The following TMEM63A variants were observed in gnomAD, a reference collection of about 807,000 sequenced individuals.
TMEM63A encodes the protein transmembrane protein 63A, also known as mechanosensitive cation channel TMEM63A.
A neutral mutation model predicts 100.6 loss-of-function variants in TMEM63A; 76 were observed. The observed-to-expected ratio is 0.76, with a 90% CI of 0.63 to 0.91. The LOEUF (loss-of-function observed/expected upper bound fraction) is 0.91. TMEM63A is among the 40% of genes least tolerant of loss of function. The pLI is 0.00. For missense variants in TMEM63A, 876 were observed against 1,008.8 expected, an observed-to-expected ratio of 0.87 and a Z score of 1.78; for synonymous variants, 401 against 401.1, an observed-to-expected ratio of 1.00 and a Z score of 0.00.
intron 1 of TMEM63A, among the ~76,000 whole-genome samples, chr1:225,880,512 T>C (rs989324493): frequency 6.6e-6 from 1 of 152,100 alleles, no homozygotes; most frequent in Admixed American, 6.6e-5. Flanking sequence ...GTGGTTGAAG[T>C]GGCACTGCCT....
chr1:225,871,513 T>C (rs113733429), intron 5 of TMEM63A: 152 of 216,956 alleles, frequency 7.0e-4, no homozygotes, highest in African/African-American at 3.3e-3. Context: ...CAGGTTTTAT[T>C]GTCCTTCACA....
downstream of TMEM63A, among the ~76,000 whole-genome samples, chr1:225,841,805 T>C (rs894081086): frequency 1.3e-5 from 2 of 152,034 alleles, no homozygotes; most frequent in African/African-American, 2.4e-5. Flanking sequence ...GGTTTCACCA[T>C]GTCAGCCAGG....
Position 225,862,677 on chromosome 1 carries a change from A to G in TMEM63A, c.827+94T>C. The G allele has an allele frequency of 6.2e-7, 1 of 1,603,764 alleles. No homozygotes were observed. Among genetic ancestry groups the G allele is most frequent in the Non-Finnish European group, 8.5e-7 (1 of 1,173,500 alleles). ...AACCATCGAACGCCAGGGGAGAAGG[A>G]GGGGTCCAGGGCCTCCCGCCTCCCT... On this transcript the variant is annotated intron_variant, in intron 11 of 24. Coordinates refer to ENST00000366835, the MANE Select transcript of TMEM63A (RefSeq NM_014698.3). This position sits in a 1 kb window ranked among gnomAD's most constrained non-coding sequence, Gnocchi z 5.1.
chr1:225,866,107 G>A, intron 9 of TMEM63A, 140 bp from the exon 10 acceptor site: 1 of 818,116 alleles, frequency 1.2e-6, no homozygotes. Context: ...CTGTGGCCGG[G>A]GGAGCCCCCA....
At position 225,869,863 on chromosome 1, in the gene TMEM63A, A is replaced by T. The variant is rs569256657; in HGVS notation, c.371+1213T>A. ...TTTTTAGTAGAGACGGAGTTTCACC[A>T]TGTTGGCCAGGCTGGTCTTGAACTC... On this transcript the variant is annotated intron_variant, in intron 6 of 24. Transcript: ENST00000366835. 6.6e-5 allele frequency among the ~76,000 whole-genome samples: 10 copies of T among 151,142 alleles called. No individual in the cohort carries two copies. In the South Asian group the frequency reaches 2.1e-3, roughly 32 times the overall value.
At chr1:225,875,936 T>C (rs1670777025) in intron 3 of TMEM63A, among the ~76,000 whole-genome samples, 1 of 151,650 alleles carries the variant, frequency 6.6e-6, no homozygotes, top group African/African-American at 2.4e-5. Context: ...CACGGTGGCA[T>C]GTGCTTGTAG....
At position 225,862,054 on chromosome 1, in the gene TMEM63A, G is replaced by A. The variant is rs1285673471; in HGVS notation, c.1085+164C>T. 4.5e-6 allele frequency: 5 copies of A among 1,106,080 alleles called. No homozygotes were observed. Among genetic ancestry groups the A allele is most frequent in the Non-Finnish European group, 6.3e-6 (5 of 788,474 alleles). The allele number at this position is 1,106,080 out of a possible 1,614,324, so 68.5% of individuals were successfully genotyped here. ...CTGTTACACAAACATGGGCTGGGCT[G>A]GCTGAAAGTGAGTGTGGGTAGCTGA... is the stretch of plus-strand genomic sequence containing the variant. On this transcript the variant is annotated intron_variant, in intron 13 of 24. Coordinates refer to ENST00000366835, the MANE Select transcript of TMEM63A (RefSeq NM_014698.3). The surrounding 1 kb of genome is among the most constrained non-coding windows in gnomAD (Gnocchi z 5.1).
chr1:225,859,351 T>C lies in TMEM63A; in HGVS notation c.1224-2A>G. On this transcript the variant is annotated splice_acceptor_variant, in intron 14 of 24. Coordinates refer to ENST00000366835, the MANE Select transcript of TMEM63A (RefSeq NM_014698.3). LOFTEE classifies it high-confidence loss of function. The stretch of plus-strand genomic sequence containing the variant: ...AGGCCCTGGATAGAGAGGTTCTTCC[T>C]GCAGCGGGAGAGGGGATACAGGTCT... 6.2e-7 allele frequency: 1 copy of C among 1,613,682 alleles called. No homozygotes were observed.
downstream of TMEM63A, chr1:225,844,637 AGCCGAGAACAGGG>A (rs775007427): frequency 8.1e-6 from 13 of 1,613,660 alleles, no homozygotes; most frequent in Admixed American, 2.2e-4. Context: ...AGCCTGGCTG[AGCCGAGAACAGGG>A]GCCTCTGAGG....
intron 3 of TMEM63A, among the ~76,000 whole-genome samples, chr1:225,874,697 G>C (rs755937965): frequency 1.6e-4 from 25 of 152,350 alleles, no homozygotes; most frequent in Non-Finnish European, 3.2e-4. Flanking sequence ...GCCCAGTCTC[G>C]GGCCCTGCTC....
At position 225,855,957 on chromosome 1, in the gene TMEM63A, C is replaced by A. The variant is rs12091106; in HGVS notation, c.1572-17G>T. The A allele has an allele frequency of 6.8e-3, 10,982 of 1,613,334 alleles. 633 individuals carry two copies. The African/African-American group carries it at 0.13, about 19-fold the overall frequency. ...AAATCTAGACTGAAAAACAAAGGAA[C>A]CCCCTAAGAGTTTATTTCCAGCATT... On this transcript the variant is annotated splice_polypyrimidine_tract_variant and intron_variant, in intron 17 of 24. Coordinates refer to ENST00000366835, the MANE Select transcript of TMEM63A (RefSeq NM_014698.3).
rs368128506 is a variant in TMEM63A at position 225,848,955 on chromosome 1, A to G, written c.2129T>C (p.Val710Ala). Residue 710 changes from valine (V) to alanine (A), a missense_variant, in exon 22 of 25, where the codon GTC becomes GCC. Coordinates refer to ENST00000366835, the MANE Select transcript of TMEM63A (RefSeq NM_014698.3). ...TFLVLLLTIL[V>A]CLAHTCFGCF... ...TCCAAAGCAGGTGTGAGCCAGGCAG[A>G]CCAGGATGGTGAGCAGCAGCACCAG... The G allele has an allele frequency of 5.1e-6, 8 of 1,582,268 alleles. No individual in the cohort carries two copies. Among genetic ancestry groups the G allele is most frequent in the Non-Finnish European group, 6.9e-6 (8 of 1,162,534 alleles).
chr1:225,877,588 G>A lies in TMEM63A; in HGVS notation c.-8C>T, dbSNP rs1419314906. The A allele has an allele frequency of 6.2e-7, 1 of 1,611,442 alleles. No homozygotes were observed. Among genetic ancestry groups the A allele is most frequent in the Admixed American group, 1.7e-5 (1 of 59,912 alleles). On this transcript the variant is annotated 5_prime_UTR_variant, in exon 3 of 25. Transcript: ENST00000366835. ...GAACGGGGAGTCCATCATCGCGCCT[G>A]TCTTCCCTGGAGCACAGGACAACAG...
chr1:225,841,057 G>A (rs1010548662), downstream of TMEM63A: 1 of 152,302 alleles, frequency 6.6e-6, no homozygotes, highest in South Asian at 2.1e-4. Flanking sequence ...ATTTTGGTGA[G>A]AATTTTCACA....
chr1:225,849,310 G>A (rs1165287425), intron 21 of TMEM63A, among the ~76,000 whole-genome samples: 1 of 152,140 alleles, frequency 6.6e-6, no homozygotes. Context: ...TTGCTGGTCC[G>A]TTCCCTCCAG....
chr1:225,876,131 CTCTCT>C (rs1285899116), intron 3 of TMEM63A, among the ~76,000 whole-genome samples: 2 of 126,922 alleles, frequency 1.6e-5, no homozygotes, highest in Non-Finnish European at 3.3e-5. Context: ...TAGAGGGTGA[CTCTCT>C]TCTCAGCCAA....
downstream of TMEM63A, chr1:225,844,397 C>A: frequency 1.9e-6 from 3 of 1,584,606 alleles, no homozygotes; most frequent in Non-Finnish European, 2.6e-6. Context: ...AGGAGGGAAG[C>A]CGCATGGGCA....
At chr1:225,879,060 G>A (rs1278505106) in intron 2 of TMEM63A, among the ~76,000 whole-genome samples, 160 bp downstream of exon 2, 2 of 152,112 alleles carry the variant, frequency 1.3e-5, no homozygotes, top group African/African-American at 2.4e-5. Flanking sequence ...AGAGTCATGG[G>A]GCTGCTGACT....
chr1:225,870,154 C>T (rs1174899749), intron 6 of TMEM63A, among the ~76,000 whole-genome samples: 1 of 151,668 alleles, frequency 6.6e-6, no homozygotes, highest in African/African-American at 2.4e-5. Context: ...GTTGGAGATC[C>T]GCGTGACCAA....
Sources: gnomAD v4.1 joint callset for allele counts (sites outside exome capture counted in the v4.1 genomes callset) on GRCh38, gnomAD v4.1.1 for gene constraint, Gnocchi (gnomAD v3.1) non-coding constraint, MANE v1.5 for transcripts, NCBI Gene and HGNC (gene_info 2026-07-23, HGNC 2026-07-21) for gene names.